The following FMN2 variants were observed in gnomAD, a reference collection of about 807,000 sequenced individuals.
FMN2 encodes the protein formin 2.
FMN2 carries 51 observed loss-of-function variants against 142.3 expected under a neutral mutation model. That is an observed-to-expected ratio of 0.36 (90% confidence interval 0.29 to 0.45). The LOEUF is 0.45. Among genes scored for constraint, FMN2 ranks in the 20% least tolerant of loss-of-function variants. The pLI is 1.00. For synonymous variants in FMN2, 882 were observed against 869.8 expected (o/e 1.01, Z -0.25); for missense variants, 1,936 against 2,122.8 (o/e 0.91, Z 1.73).
rs150519570 is a variant in FMN2 at position 240,207,258 on chromosome 1, C to T, written c.2446C>T (p.Leu816Phe). The change falls in exon 5 of 18, where the codon CTT (leucine) becomes TTT (phenylalanine). Residue 816 changes from leucine (L) to phenylalanine (F), a missense_variant. Physicochemically the swap from Leu to Phe is conservative, Grantham distance 22 (BLOSUM62 0). Transcript: ENST00000319653. ...CTCACAGCCTCCACCACCTCCATCC[C>T]TTCTGTGGTCTGCTGGGCAAGGACA... Reference protein sequence around the residue: ...SISQPPPPPSLLWSAGQGQPG... With the variant: ...SISQPPPPPSFLWSAGQGQPG... 1 of 1,614,018 alleles carries T rather than the reference C, an allele frequency of 6.2e-7. No individual in the cohort carries two copies. Among genetic ancestry groups the T allele is most frequent in the African/African-American group, 1.3e-5 (1 of 74,986 alleles).
At chr1:240,130,438 G>A (rs1327300216) in intron 2 of FMN2, among the ~76,000 whole-genome samples, 3 of 152,150 alleles carry the variant, frequency 2.0e-5, no homozygotes, top group Non-Finnish European at 1.5e-5. Context: ...GAGTAGCTGG[G>A]ATTACAGGTG....
intron 1 of FMN2, among the ~76,000 whole-genome samples, chr1:240,121,312 A>AGAACCCCTG (rs1379064419): frequency 6.6e-6 from 1 of 152,042 alleles, no homozygotes; most frequent in African/African-American, 2.4e-5. Flanking sequence ...GCCAAGATTG[A>AGAACCCCTG]GAACCCCTGG....
intron 2 of FMN2, among the ~76,000 whole-genome samples, chr1:240,150,681 C>G (rs1419997371): frequency 6.6e-6 from 1 of 152,116 alleles, no homozygotes; most frequent in African/African-American, 2.4e-5. Flanking sequence ...ATAGTCACCA[C>G]TTTTTGAGCT....
At chr1:240,408,380 A>G (rs1308087413) in intron 15 of FMN2, among the ~76,000 whole-genome samples, 5 of 152,230 alleles carry the variant, frequency 3.3e-5, no homozygotes, top group African/African-American at 1.2e-4. Flanking sequence ...GAAAAAGGCA[A>G]TAAGAACAAC....
chr1:240,253,109 C>T (rs1668338349), intron 6 of FMN2, among the ~76,000 whole-genome samples: 1 of 151,438 alleles, frequency 6.6e-6, no homozygotes, highest in African/African-American at 2.4e-5. Flanking sequence ...TGCACCACCA[C>T]ACCCAGCTAA....
intron 2 of FMN2, among the ~76,000 whole-genome samples, chr1:240,149,970 G>T: frequency 6.6e-6 from 1 of 152,084 alleles, no homozygotes; most frequent in Non-Finnish European, 1.5e-5. Context: ...AATAACATTA[G>T]AGAAAACAAT....
intron 8 of FMN2, among the ~76,000 whole-genome samples, chr1:240,315,765 A>T (rs4233480): frequency 1.3e-5 from 2 of 151,956 alleles, no homozygotes; most frequent in Non-Finnish European, 2.9e-5. Flanking sequence ...TGTGTGAGTC[A>T]GTGGACCATA....
chr1:240,246,246 T>G (rs1668079743), intron 6 of FMN2, among the ~76,000 whole-genome samples: 1 of 152,220 alleles, frequency 6.6e-6, no homozygotes, highest in Non-Finnish European at 1.5e-5. Flanking sequence ...GCTGCGCTTT[T>G]ATCGCTCTCC....
intron 3 of FMN2, among the ~76,000 whole-genome samples, chr1:240,184,605 G>A (rs1009982651): frequency 3.4e-5 from 5 of 147,628 alleles, no homozygotes; most frequent in Admixed American, 2.8e-4. Flanking sequence ...ATGTACCCTT[G>A]AGAGCTCTCT....
chr1:240,324,718 AAGAAAG>A (rs749612326), intron 8 of FMN2, among the ~76,000 whole-genome samples: 4 of 151,968 alleles, frequency 2.6e-5, no homozygotes, highest in Non-Finnish European at 4.4e-5. Context: ...GGAGGGAAGA[AAGAAAG>A]AGAAAAAGAA....
At chr1:240,136,645 C>T (rs1012219523) in intron 2 of FMN2, among the ~76,000 whole-genome samples, 1 of 152,110 alleles carries the variant, frequency 6.6e-6, no homozygotes, top group Admixed American at 6.5e-5. Context: ...GGTGACTCAG[C>T]TCGACTTTTC....
In FMN2 at chr1:240,092,589, C is replaced by T; in HGVS notation, c.480C>T (p.Ala160=). 6.2e-7 allele frequency: 1 copy of T among 1,613,842 alleles called. No individual in the cohort carries two copies. The highest frequency in any genetic ancestry group is 8.5e-7 in the Non-Finnish European group (1 of 1,179,988). ...AEARVGGRPI[A]EDVETAAGAQ... ...CTAGGGTCGGGGGCCGGCCGATCGC[C>T]GAGGATGTGGAAACTGCAGCAGGGG... is the stretch of plus-strand genomic sequence containing the variant. The change falls in exon 1 of 18, where the codon GCC becomes GCT. Residue 160 remains alanine (A), a synonymous_variant. Transcript: ENST00000319653.
At chr1:240,321,053 GATGAGGTGGGAAGTAAAC>G (rs1308128645) in intron 8 of FMN2, among the ~76,000 whole-genome samples, 1 of 152,108 alleles carries the variant, frequency 6.6e-6, no homozygotes. Context: ...TCTTCTGTGT[GATGAGGTGGGAAGTAAAC>G]ATAAAGTCTA....
At chr1:240,143,369 A>C in intron 2 of FMN2, 33 of 1,455,222 alleles carry the variant, frequency 2.3e-5, no homozygotes, top group Non-Finnish European at 3.2e-5. Flanking sequence ...CCAAAGGTTC[A>C]TAGTGCCGTC....
intron 2 of FMN2, chr1:240,142,803 C>A (rs2103255483): frequency 1.3e-6 from 2 of 1,587,154 alleles, no homozygotes; most frequent in Non-Finnish European, 1.7e-6. Flanking sequence ...TGTCTGGAAC[C>A]CTGTGATGGT....
intron 1 of FMN2, among the ~76,000 whole-genome samples, chr1:240,099,350 C>CT (rs961657139): frequency 3.3e-4 from 47 of 140,944 alleles, no homozygotes; most frequent in Non-Finnish European, 4.7e-4. Context: ...ATTATTTTTT[C>CT]TTTTTTTTTT....
intron 3 of FMN2, chr1:240,180,199 T>G: frequency 7.8e-7 from 1 of 1,275,776 alleles, no homozygotes; most frequent in African/African-American, 1.5e-5. Context: ...TAATTTAACT[T>G]AGTGACTTAT....
At chr1:240,296,107 G>A (rs1558418147) in intron 8 of FMN2, among the ~76,000 whole-genome samples, 1 of 152,044 alleles carries the variant, frequency 6.6e-6, no homozygotes, top group Admixed American at 6.6e-5. Context: ...TGATATAGCT[G>A]GGGTTTAGTT....
At chr1:240,148,291 GAC>G (rs1280868129) in intron 2 of FMN2, among the ~76,000 whole-genome samples, 7 of 46,148 alleles carry the variant, frequency 1.5e-4, no homozygotes, top group African/African-American at 2.2e-4. Flanking sequence ...GACAGAGACA[GAC>G]AGAGACAGAG....
Sources: allele counts gnomAD v4.1 joint callset (sites outside exome capture counted in the v4.1 genomes callset), GRCh38; gene constraint gnomAD v4.1.1; transcripts MANE v1.5; gene names NCBI Gene and HGNC (gene_info 2026-07-23, HGNC 2026-07-21).